The following COL1A1 variants were observed in gnomAD, a reference collection of about 807,000 sequenced individuals.
The protein encoded by COL1A1 is collagen alpha-1(I) chain.
COL1A1 carries 21 observed loss-of-function variants against 195.7 expected under a neutral mutation model. The observed-to-expected ratio is 0.11, with a 90% CI of 0.08 to 0.15. COL1A1 has a LOEUF of 0.15. COL1A1 is among the 10% of genes least tolerant of loss of function. The probability of loss-of-function intolerance (pLI) is 1.00; values close to 1 mark genes in which losing one functional copy is unlikely to be tolerated. For missense variants in COL1A1, 1,365 were observed against 2,051.0 expected (o/e 0.67, Z 6.46); for synonymous variants, 749 against 747.3 (o/e 1.00, Z -0.04).
chr17:50,192,870 G>GGGAA lies in COL1A1; in HGVS notation c.1822-24_1822-21dup, dbSNP rs1907218432. On this transcript the variant is annotated intron_variant, in intron 26 of 50. Coordinates refer to ENST00000225964, the MANE Select transcript of COL1A1 (RefSeq NM_000088.4). ...AGGACCCTGCAGGGAGAGAGCAAAG[G>GGGAA]GGAACTCAGGGTTAGGAGGCCCCGA... The GGGAA allele has an allele frequency of 1.2e-6, 2 of 1,613,814 alleles. No individual in the cohort carries two copies. Among genetic ancestry groups the GGGAA allele is most frequent in the African/African-American group, 2.7e-5 (2 of 74,914 alleles).
intron 1 of COL1A1, 21 bp from the exon 2 acceptor site, chr17:50,199,968 G>T: frequency 1.2e-6 from 2 of 1,613,562 alleles, no homozygotes; most frequent in African/African-American, 1.3e-5. Flanking sequence ...CGGAAGAGGG[G>T]CGTTGTCAGT....
intron 32 of COL1A1, among the ~76,000 whole-genome samples, 191 bp downstream of exon 32, chr17:50,191,192 C>G (rs151114560): frequency 6.6e-6 from 1 of 152,054 alleles, no homozygotes; most frequent in African/African-American, 2.4e-5. Flanking sequence ...CCATGGTAAC[C>G]CATGGGGATA....
At chr17:50,193,799 C>T (rs1907314465) in intron 25 of COL1A1, 144 bp downstream of exon 25, 4 of 783,134 alleles carry the variant, frequency 5.1e-6, no homozygotes, top group South Asian at 1.5e-5. Flanking sequence ...TTTCATTTTA[C>T]AGATAGGGAG....
Position 50,195,476 on chromosome 17 carries a change from T to C in COL1A1, c.1158A>G (p.Gly386=). 6.2e-7 allele frequency: 1 copy of C among 1,614,036 alleles called. No homozygotes were observed. Among genetic ancestry groups the C allele is most frequent in the Non-Finnish European group, 8.5e-7 (1 of 1,179,982 alleles). ...CAGGCTGTCCATCAGCACCAGGGTT[T>C]CCCTGTGGCACAGAGAAAGGAGTGT... The part of the protein sequence containing the change: ...PGPAGAAGPA[G]NPGADGQPGA... The change falls in exon 18 of 51, where the codon GGA becomes GGG. Residue 386 remains glycine, a splice_region_variant and synonymous_variant. Coordinates refer to ENST00000225964, the MANE Select transcript of COL1A1 (RefSeq NM_000088.4). This position sits in a 1 kb window ranked among gnomAD's most constrained non-coding sequence, Gnocchi z 4.3.
chr17:50,185,366 A>T lies in COL1A1; in HGVS notation c.*136T>A. On this transcript the variant is annotated 3_prime_UTR_variant, in exon 51 of 51. Transcript: ENST00000225964. ...TGAGAGATGAATGCAAAGGAAAAAA[A>T]TATTTTCCAAAGTCCATGTGAAATT... The T allele has an allele frequency of 1.1e-5, 11 of 1,037,192 alleles. No individual in the cohort carries two copies. The South Asian group carries it at 1.4e-4, about 13-fold the overall frequency. 64.2% of individuals were successfully genotyped at this position (1,037,192 alleles called of 1,614,324 possible). A position where few individuals can be genotyped will look rare whatever the true frequency, so the allele number is the denominator to read the frequency against.
intron 29 of COL1A1, 25 bp from the exon 30 acceptor site, chr17:50,192,049 G>C: frequency 6.2e-7 from 1 of 1,609,798 alleles, no homozygotes; most frequent in Non-Finnish European, 8.5e-7. Context: ...GAGAGGAACA[G>C]ACAGTGAGCA....
chr17:50,185,481 C>G lies in COL1A1; in HGVS notation c.*21G>C, dbSNP rs201085309. 5.5e-5 allele frequency: 89 copies of G among 1,613,198 alleles called. No homozygotes were observed. The highest frequency in any genetic ancestry group is 1.7e-4 in the Admixed American group (10 of 59,954). ...GGAAAGTTGGTTGGGTGGGAGGGAG[C>G]CAGGTTGGGATGGAGGGAGTTTACA... On this transcript the variant is annotated 3_prime_UTR_variant, in exon 51 of 51. Coordinates refer to ENST00000225964, the MANE Select transcript of COL1A1 (RefSeq NM_000088.4).
At chr17:50,196,447 T>C in intron 13 of COL1A1, 37 bp downstream of exon 13, 1 of 1,614,152 alleles carries the variant, frequency 6.2e-7, no homozygotes, top group Non-Finnish European at 8.5e-7. Context: ...CCCTGCCTCC[T>C]GCCCCATCCC....
At position 50,199,757 on chromosome 17, in the gene COL1A1, G is replaced by A. The variant is rs1307271232; in HGVS notation, c.294C>T (p.Gly98=). 1.2e-6 allele frequency: 2 copies of A among 1,612,444 alleles called. No homozygotes were observed. Among genetic ancestry groups the A allele is most frequent in the South Asian group, 1.1e-5 (1 of 91,016 alleles). The change falls in exon 2 of 51, where the codon GGC becomes GGT. Residue 98 remains glycine (G), a synonymous_variant. Coordinates refer to ENST00000225964, the MANE Select transcript of COL1A1 (RefSeq NM_000088.4). ...AGGCCCCGAGCGCAGCCGCACCTGA[G>A]CCGTCGGGGCAGACGGGACAGCACT... ...EGECCPVCPD[G]SESPTDQETT... is the part of the protein sequence containing the mutation.
chr17:50,188,925 G>A lies in COL1A1; in HGVS notation c.3023C>T (p.Pro1008Leu), dbSNP rs1484351533. 4.3e-6 allele frequency: 7 copies of A among 1,611,208 alleles called. No homozygotes were observed. The highest frequency in any genetic ancestry group is 5.9e-6 in the Non-Finnish European group (7 of 1,177,568). Reference sequence around the variant, plus strand: ...CACCTCACGTCCAGATTCACCAGGGGGTCCAGCCAATCCAGGGGGGCCCAT... The same window carrying A: ...CACCTCACGTCCAGATTCACCAGGGAGTCCAGCCAATCCAGGGGGGCCCAT... ...GPMGPPGLAG[P>L]PGESGREGAP... is the part of the protein sequence containing the mutation. Residue 1008 changes from proline (P) to leucine (L), a missense_variant, in exon 41 of 51, where the codon CCC becomes CTC. By Grantham distance (98) the Pro-to-Leu change is moderately conservative (BLOSUM62 -3). Transcript: ENST00000225964. The surrounding 1 kb of genome is among the most constrained non-coding windows in gnomAD (Gnocchi z 5.6).
At position 50,194,955 on chromosome 17, in the gene COL1A1, GA is replaced by G. The variant is rs1352712474; in HGVS notation, c.1353+91del. 1.4e-6 allele frequency: 2 copies of G among 1,478,850 alleles called. No homozygotes were observed. Among genetic ancestry groups the G allele is most frequent in the African/African-American group, 2.8e-5 (2 of 72,092 alleles). 91.6% of individuals were successfully genotyped at this position (1,478,850 alleles called of 1,614,324 possible). A position where few individuals can be genotyped will look rare whatever the true frequency, so the allele number is the denominator to read the frequency against. On this transcript the variant is annotated intron_variant, in intron 20 of 50. Coordinates refer to ENST00000225964, the MANE Select transcript of COL1A1 (RefSeq NM_000088.4). The surrounding 1 kb of genome is among the most constrained non-coding windows in gnomAD (Gnocchi z 6.8). The stretch of plus-strand genomic sequence containing the variant: ...GGGTGTGGCAGGGACTCCCCCAGAA[GA>G]CTAGGGGCTCCTCTTCCTTTCTGGA...
In COL1A1 at chr17:50,199,951, G is replaced by A; in HGVS notation, c.104-4C>T. Reference sequence around the variant, plus strand: ...TGTACGCAGGTGATTGGTGGGACTGGGACAGGCGGAAGAGGGGCGTTGTCA... The same window carrying A: ...TGTACGCAGGTGATTGGTGGGACTGAGACAGGCGGAAGAGGGGCGTTGTCA... On this transcript the variant is annotated splice_polypyrimidine_tract_variant and splice_region_variant and intron_variant, in intron 1 of 50. Transcript: ENST00000225964. The A allele has an allele frequency of 6.2e-7, 1 of 1,614,104 alleles. No homozygotes were observed. The highest frequency in any genetic ancestry group is 8.5e-7 in the Non-Finnish European group (1 of 1,180,044).
rs530988972 is a variant in COL1A1, at chr17:50,187,741, G to C, written c.3369+135C>G. ...ACCCTCTCAGAAGCTACTTGGACAT[G>C]CCCACAAATCTTCAGACCCCAGTCC... On this transcript the variant is annotated intron_variant, in intron 45 of 50. Coordinates refer to ENST00000225964, the MANE Select transcript of COL1A1 (RefSeq NM_000088.4). 1.1e-4 allele frequency: 103 copies of C among 980,342 alleles called. No individual in the cohort carries two copies. In the African/African-American group the frequency reaches 1.4e-3, roughly 13 times the overall value. The allele number at this position is 980,342 out of a possible 1,614,324, so 60.7% of individuals were successfully genotyped here. A position where few individuals can be genotyped will look rare whatever the true frequency, so the allele number is the denominator to read the frequency against.
rs1567764786 is a variant in COL1A1, at chr17:50,199,797, T to TC, written c.253dup (p.Glu85GlyfsTer84). ...GGGACAGCACTCGCCCTCGGGGACTTCGGCGCCGGGGCAGTTCTTGGTCTC... is the reference window on the plus strand; with the variant it reads ...GGGACAGCACTCGCCCTCGGGGACTTCCGGCGCCGGGGCAGTTCTTGGTCTC... On this transcript the variant is annotated frameshift_variant, in exon 2 of 51. Transcript: ENST00000225964. LOFTEE classifies it high-confidence loss of function. The TC allele has an allele frequency of 6.2e-7, 1 of 1,613,688 alleles. No individual in the cohort carries two copies. The highest frequency in any genetic ancestry group is 1.1e-5 in the South Asian group (1 of 91,058).
In COL1A1 at chr17:50,197,788, A is replaced by G; in HGVS notation, c.643-3T>C. The stretch of plus-strand genomic sequence containing the variant: ...GGACCTCGGGGACCCATGGGACCCT[A>G]GAAAAGATAGAAGAGGTGGTTAGAA... On this transcript the variant is annotated splice_region_variant and splice_polypyrimidine_tract_variant and intron_variant, in intron 8 of 50. Transcript: ENST00000225964. The G allele has an allele frequency of 6.2e-7, 1 of 1,609,766 alleles. No individual in the cohort carries two copies. The highest frequency in any genetic ancestry group is 8.5e-7 in the Non-Finnish European group (1 of 1,178,488).
rs1907676227 is a variant in COL1A1 at position 50,197,242 on chromosome 17, G to A, written c.697-9C>T. On this transcript the variant is annotated splice_polypyrimidine_tract_variant and intron_variant, in intron 9 of 50. Transcript: ENST00000225964. ...GGTTTTCCAGCTTCCCCCTGAGAGG[G>A]AGAGAAAAGACCATCATGCCTCTGC... 1.9e-6 allele frequency: 3 copies of A among 1,612,424 alleles called. No individual in the cohort carries two copies. The highest frequency in any genetic ancestry group is 2.5e-6 in the Non-Finnish European group (3 of 1,179,946).
intron 5 of COL1A1, 85 bp from the exon 6 acceptor site, chr17:50,198,589 G>A: frequency 9.6e-7 from 1 of 1,037,790 alleles, no homozygotes; most frequent in Non-Finnish European, 1.5e-6. Flanking sequence ...CTGACATCAT[G>A]CACTTCCTGG....
rs765992067 is a variant in COL1A1, at chr17:50,190,138, G to T, written c.2452-30C>A. On this transcript the variant is annotated intron_variant, in intron 35 of 50. Transcript: ENST00000225964. The surrounding 1 kb of genome is among the most constrained non-coding windows in gnomAD (Gnocchi z 4.7). ...GGGAGGAAGCAGGGCGGTGAATGGA[G>T]GGAAGGAGGCAGGAGTTTCCACTAC... is the stretch of plus-strand genomic sequence containing the variant. 27 of 1,588,666 alleles carry T rather than the reference G, an allele frequency of 1.7e-5. No homozygotes were observed. The highest frequency in any genetic ancestry group is 1.3e-4 in the Admixed American group (8 of 59,942).
chr17:50,193,783 G>T, intron 25 of COL1A1, 160 bp downstream of exon 25: 1 of 740,792 alleles, frequency 1.3e-6, no homozygotes. Flanking sequence ...GCCCCGCCGA[G>T]AAGTCTTTCA....
Sources: gnomAD v4.1 joint callset for allele counts (sites outside exome capture counted in the v4.1 genomes callset) on GRCh38, gnomAD v4.1.1 for gene constraint, Gnocchi (gnomAD v3.1) non-coding constraint, MANE v1.5 for transcripts, NCBI Gene and HGNC (gene_info 2026-07-23, HGNC 2026-07-21) for gene names.